The following ASIC2 variants were observed in gnomAD, a reference collection of about 807,000 sequenced individuals.
The protein encoded by ASIC2 is acid sensing ion channel subunit 2, also known as acid-sensing ion channel 2.
A neutral mutation model predicts 57.3 loss-of-function variants in ASIC2; 25 were observed. The observed-to-expected ratio is 0.44, with a 90% CI of 0.32 to 0.61. The LOEUF is 0.61. Among genes scored for constraint, ASIC2 ranks in the 20% least tolerant of loss-of-function variants. The pLI, the probability that ASIC2 is intolerant of heterozygous loss-of-function variation, is 0.06. For synonymous variants in ASIC2, 319 were observed against 307.5 expected (o/e 1.04, Z -0.39); for missense variants, 641 against 738.1 (o/e 0.87, Z 1.52).
chr17:33,239,969 T>C (rs1406129931), intron 1 of ASIC2, among the ~76,000 whole-genome samples: 1 of 152,192 alleles, frequency 6.6e-6, no homozygotes, highest in African/African-American at 2.4e-5. Flanking sequence ...CACAGCATTG[T>C]TCTGTATCTG....
chr17:33,978,674 T>A (rs1419500081), intron 1 of ASIC2, among the ~76,000 whole-genome samples: 1 of 151,682 alleles, frequency 6.6e-6, no homozygotes, highest in Non-Finnish European at 1.5e-5. Flanking sequence ...GCTGGGAGAG[T>A]CGAGTCAAGG....
chr17:33,649,195 A>G (rs1417698521), intron 1 of ASIC2, among the ~76,000 whole-genome samples: 8 of 152,250 alleles, frequency 5.3e-5, no homozygotes, highest in Admixed American at 5.2e-4. Flanking sequence ...TACAACTAAT[A>G]AGTGAATTCG....
At chr17:33,075,038 G>C (rs2092083977) in intron 3 of ASIC2, among the ~76,000 whole-genome samples, 1 of 152,134 alleles carries the variant, frequency 6.6e-6, no homozygotes, top group Non-Finnish European at 1.5e-5. Flanking sequence ...CTGAGAGGTG[G>C]TAATATGGTT....
intron 1 of ASIC2, among the ~76,000 whole-genome samples, chr17:33,282,665 G>T (rs986065518): frequency 2.0e-5 from 3 of 152,058 alleles, no homozygotes; most frequent in African/African-American, 7.2e-5. Flanking sequence ...AGTAGAGATG[G>T]GGTTTCACCA....
chr17:33,401,084 C>T (rs1315226244), intron 1 of ASIC2, among the ~76,000 whole-genome samples: 3 of 152,202 alleles, frequency 2.0e-5, no homozygotes, highest in African/African-American at 7.2e-5. Context: ...TCTCAACACT[C>T]TAACAGAGGA....
chr17:33,665,330 T>A (rs548885637), intron 1 of ASIC2, among the ~76,000 whole-genome samples: 1 of 152,312 alleles, frequency 6.6e-6, no homozygotes, highest in South Asian at 2.1e-4. Flanking sequence ...GGGTGTCGAA[T>A]TCCAATTCTG....
At chr17:33,936,389 G>GA (rs1916061665) in intron 1 of ASIC2, 7 of 152,176 alleles carry the variant, frequency 4.6e-5, no homozygotes, top group Admixed American at 4.6e-4. Context: ...GGCCTCCACA[G>GA]CCCAGGCGAG....
rs199994670 is a variant in ASIC2 at position 34,119,608 on chromosome 17, CACAG to C, written c.555+36366_555+36369del. Among the ~76,000 whole-genome samples the C allele has an allele frequency of 4.4e-3, 438 of 99,062 alleles. 3 individuals carry two copies. Among genetic ancestry groups the C allele is most frequent in the African/African-American group, 0.023 (404 of 17,586 alleles). 65.0% of individuals were successfully genotyped at this position (99,062 alleles called of 152,430 possible). ...TCCTCTATGAGCTTCCCTTTCTCTA[CACAG>C]ACACACACACACACACACACACACA... On this transcript the variant is annotated intron_variant, in intron 1 of 9. Transcript: ENST00000359872.
At chr17:33,538,358 G>A (rs1915304658) in intron 1 of ASIC2, among the ~76,000 whole-genome samples, 1 of 152,214 alleles carries the variant, frequency 6.6e-6, no homozygotes. Context: ...GACACGGCCA[G>A]TGGGAGGACC....
intron 9 of ASIC2, among the ~76,000 whole-genome samples, chr17:33,015,286 G>A (rs765549977): frequency 1.1e-4 from 16 of 152,196 alleles, no homozygotes; most frequent in Non-Finnish European, 1.3e-4. Context: ...ACCCATCAGC[G>A]AAGGCCTGAG....
At chr17:33,647,652 C>G (rs1250415882) in intron 1 of ASIC2, among the ~76,000 whole-genome samples, 3 of 152,202 alleles carry the variant, frequency 2.0e-5, no homozygotes, top group African/African-American at 7.2e-5. Flanking sequence ...ATGTGTATAT[C>G]TGTGCTCATG....
chr17:34,065,555 T>C (rs1401712498), intron 1 of ASIC2, among the ~76,000 whole-genome samples: 1 of 152,200 alleles, frequency 6.6e-6, no homozygotes, highest in Non-Finnish European at 1.5e-5. Context: ...CAATTTTATC[T>C]GTTTCCAAAG....
At chr17:33,628,617 G>A (rs890585868) in intron 1 of ASIC2, among the ~76,000 whole-genome samples, 1 of 151,980 alleles carries the variant, frequency 6.6e-6, no homozygotes, top group Non-Finnish European at 1.5e-5. Context: ...TTAAAAGCAG[G>A]GAACTCTGTT....
At chr17:33,936,384 C>T (rs1263627267) in intron 1 of ASIC2, 1 of 152,182 alleles carries the variant, frequency 6.6e-6, no homozygotes, top group East Asian at 1.9e-4. Context: ...AACGGGGCCT[C>T]CACAGCCCAG....
rs79643714 is a variant in ASIC2, at chr17:34,008,065, G to C, written c.555+147913C>G. On this transcript the variant is annotated intron_variant, in intron 1 of 9. Transcript: ENST00000359872. Reference sequence around the variant, plus strand: ...CTGGGAAGGTGGCTCATGTGCGTATGTACAGTATAGTTCCTCATTTGGCTC... The same window carrying C: ...CTGGGAAGGTGGCTCATGTGCGTATCTACAGTATAGTTCCTCATTTGGCTC... Among the ~76,000 whole-genome samples the C allele has an allele frequency of 1.9e-4, 29 of 152,262 alleles. No homozygotes were observed. In the East Asian group the frequency reaches 5.6e-3, roughly 29 times the overall value.
chr17:33,859,725 A>T (rs1239747217), intron 1 of ASIC2, among the ~76,000 whole-genome samples: 1 of 152,170 alleles, frequency 6.6e-6, no homozygotes, highest in African/African-American at 2.4e-5. Context: ...CTGCCACCCA[A>T]GCTAGAGTGC....
chr17:34,031,895 C>G (rs1005767804), intron 1 of ASIC2, among the ~76,000 whole-genome samples: 6 of 152,168 alleles, frequency 3.9e-5, no homozygotes, highest in Admixed American at 3.9e-4. Context: ...ATTGATTTAC[C>G]TGAAAGTGAC....
intron 1 of ASIC2, among the ~76,000 whole-genome samples, chr17:33,679,411 AT>A (rs1340671117): frequency 6.6e-6 from 1 of 152,212 alleles, no homozygotes. Context: ...TTGTGCTTCC[AT>A]TATCTCATTG....
intron 1 of ASIC2, among the ~76,000 whole-genome samples, chr17:33,598,204 T>C (rs534553260): frequency 6.6e-6 from 1 of 152,338 alleles, no homozygotes; most frequent in South Asian, 2.1e-4. Flanking sequence ...TTTCTCCAGA[T>C]TGCACATTGA....
Sources: allele counts gnomAD v4.1 joint callset (sites outside exome capture counted in the v4.1 genomes callset), GRCh38; gene constraint gnomAD v4.1.1; transcripts MANE v1.5; gene names NCBI Gene and HGNC (gene_info 2026-07-23, HGNC 2026-07-21).